The following ZNF630 variants were observed in gnomAD, a reference collection of about 807,000 sequenced individuals.
The protein encoded by ZNF630 is dJ54B20.2 (novel KRAB box containing C2H2 type zinc finger protein).
Under a neutral mutation model 7.2 loss-of-function variants are expected in ZNF630, and 5 were observed. The observed-to-expected ratio is 0.70, with a 90% CI of 0.36 to 1.46. ZNF630 has a LOEUF of 1.46. Ranked by LOEUF, ZNF630 falls within the 40% of genes most tolerant of loss-of-function variation. ZNF630 has a pLI of 0.03. For missense variants in ZNF630, 461 were observed against 477.0 expected, an observed-to-expected ratio of 0.97 and a Z score of 0.31; for synonymous variants, 158 against 162.8, an observed-to-expected ratio of 0.97 and a Z score of 0.23.
intron 2 of ZNF630, among the ~76,000 whole-genome samples, chrX:48,062,956 AAGAG>A (rs781974474): frequency 4.0e-5 from 2 of 49,514 alleles, no homozygotes; most frequent in African/African-American, 8.8e-5. Flanking sequence ...GAAAGAAAGA[AAGAG>A]AGAGAGAGAG....
intron 4 of ZNF630, 90 bp from the exon 5 acceptor site, chrX:48,060,293 G>T: frequency 1.0e-6 from 1 of 965,692 alleles, no homozygotes; most frequent in Non-Finnish European, 1.4e-6. Context: ...ACACAAAACA[G>T]TTGGCAATGA....
At chrX:48,062,645 A>G (rs2059110753) in intron 2 of ZNF630, among the ~76,000 whole-genome samples, 3 of 111,484 alleles carry the variant, frequency 2.7e-5, no homozygotes, top group Admixed American at 9.5e-5. Flanking sequence ...GAGGCAGGAG[A>G]CTTGCTTGAA....
Position 48,066,888 on chromosome X carries a change from T to C in ZNF630, c.-2A>G. On this transcript the variant is annotated 5_prime_UTR_variant, in exon 2 of 5. Transcript: ENST00000276054. ...ATAACTTACCTGGGACTCAATCATTTTCTGTTTCTCTTTGGAAAGCAGTTG... is the reference window on the plus strand; with the variant it reads ...ATAACTTACCTGGGACTCAATCATTCTCTGTTTCTCTTTGGAAAGCAGTTG... 1 of 1,208,041 alleles carries C rather than the reference T, an allele frequency of 8.3e-7. No homozygotes were observed. The highest frequency in any genetic ancestry group is 1.1e-6 in the Non-Finnish European group (1 of 892,867).
At chrX:48,063,958 C>G (rs1166003788) in intron 2 of ZNF630, among the ~76,000 whole-genome samples, 1 of 111,128 alleles carries the variant, frequency 9.0e-6, no homozygotes, top group Non-Finnish European at 1.9e-5. Flanking sequence ...TCTGACCTAG[C>G]ACACTCATGT....
At chrX:48,065,088 G>T (rs2059123839) in intron 2 of ZNF630, among the ~76,000 whole-genome samples, 1 of 112,135 alleles carries the variant, frequency 8.9e-6, no homozygotes, top group Non-Finnish European at 1.9e-5. Flanking sequence ...GACATAAAAA[G>T]AAATAGAAAA....
intron 1 of ZNF630, among the ~76,000 whole-genome samples, chrX:48,069,794 T>C (rs1212013828): frequency 9.2e-6 from 1 of 108,857 alleles, no homozygotes; most frequent in East Asian, 2.8e-4. Context: ...TGCTTCTGGA[T>C]GCCCTAAAAA....
chrX:48,068,167 GAA>G (rs2059140379), intron 1 of ZNF630, among the ~76,000 whole-genome samples: 16 of 29,967 alleles, frequency 5.3e-4, no homozygotes, highest in Admixed American at 1.2e-3. Flanking sequence ...GAGGGAGGAA[GAA>G]GGAAGGAAGG....
chrX:48,059,067 A>T lies in ZNF630; in HGVS notation c.1375T>A (p.Tyr459Asn). ...GCCTTCCCACAGTCAGTACACACAT[A>T]AGGTTTTTCTCCTGTATGAATTCTT... Reference protein sequence around the residue: ...HQRIHTGEKPYVCTDCGKAFS... With the variant: ...HQRIHTGEKPNVCTDCGKAFS... The change falls in exon 5 of 5, where the codon TAT becomes AAT. Residue 459 changes from tyrosine (Y) to asparagine (N), a missense_variant. By Grantham distance (143) the Tyr-to-Asn change is moderately radical. Coordinates refer to ENST00000276054, the MANE Select transcript of ZNF630 (RefSeq NM_001282201.2). The T allele has an allele frequency of 8.3e-7, 1 of 1,208,405 alleles. No individual in the cohort carries two copies. The highest frequency in any genetic ancestry group is 1.1e-6 in the Non-Finnish European group (1 of 893,209).
At position 48,062,021 on chromosome X, in the gene ZNF630, T is replaced by C. The variant is rs782035517; in HGVS notation, c.16-1076A>G. Among the ~76,000 whole-genome samples the C allele has an allele frequency of 7.1e-5, 8 of 112,118 alleles. No individual in the cohort carries two copies. The South Asian group carries it at 2.9e-3, about 41-fold the overall frequency. ...ATGCTCAACTTCACTCACATGAAGA[T>C]AAATGCAAACTAAGACAAGACAGCA... is the stretch of plus-strand genomic sequence containing the variant. On this transcript the variant is annotated intron_variant, in intron 2 of 4. Coordinates refer to ENST00000276054, the MANE Select transcript of ZNF630 (RefSeq NM_001282201.2).
intron 2 of ZNF630, among the ~76,000 whole-genome samples, chrX:48,063,803 G>A (rs1556909606): frequency 1.8e-5 from 2 of 110,784 alleles, no homozygotes; most frequent in Non-Finnish European, 3.8e-5. Context: ...CATGAGAATC[G>A]CTTGAACCTG....
rs782377037 is a variant in ZNF630 at position 48,064,117 on chromosome X, T to A, written c.15+2755A>T. ...TGCCTCATTTTCTTCATCTGAAAAA[T>A]GGGAATAACAATGGTACCTAGCACA... On this transcript the variant is annotated intron_variant, in intron 2 of 4. Transcript: ENST00000276054. 3.4e-3 allele frequency among the ~76,000 whole-genome samples: 375 copies of A among 110,406 alleles called. 4 individuals carry two copies. Among genetic ancestry groups the A allele is most frequent in the African/African-American group, 0.012 (352 of 30,272 alleles).
chrX:48,068,127 G>A (rs2059139506), intron 1 of ZNF630, among the ~76,000 whole-genome samples: 1 of 99,874 alleles, frequency 1.0e-5, no homozygotes, highest in South Asian at 4.9e-4. Context: ...CAGGACAGAA[G>A]GCAGGAAGGA....
intron 1 of ZNF630, among the ~76,000 whole-genome samples, chrX:48,067,562 G>A (rs1433703453): frequency 8.9e-6 from 1 of 111,917 alleles, no homozygotes; most frequent in East Asian, 2.8e-4. Context: ...CACGTTGGAA[G>A]GCCAAGGCGG....
chrX:48,070,920 C>T (rs1443781213), intron 1 of ZNF630: 1 of 109,563 alleles, frequency 9.1e-6, no homozygotes, highest in African/African-American at 3.4e-5. Context: ...CACACACACT[C>T]CCATTCTTGT....
At chrX:48,061,053 A>G in intron 2 of ZNF630, 108 bp from the exon 3 acceptor site, 1 of 665,757 alleles carries the variant, frequency 1.5e-6, no homozygotes, top group East Asian at 3.5e-5. Context: ...TATGAGAGAA[A>G]CAATGTAAAA....
At position 48,059,481 on chromosome X, in the gene ZNF630, A is replaced by T; in HGVS notation, c.961T>A (p.Cys321Ser). The change falls in exon 5 of 5, where the codon TGT (cysteine) becomes AGT (serine). Residue 321 changes from cysteine (C) to serine (S), a missense_variant. Coordinates refer to ENST00000276054, the MANE Select transcript of ZNF630 (RefSeq NM_001282201.2). ...GAGAATGCTCTTCCATACTTAGTACATTCATAGGGTTTCTCCCCAGTATGA... is the reference window on the plus strand; with the variant it reads ...GAGAATGCTCTTCCATACTTAGTACTTTCATAGGGTTTCTCCCCAGTATGA... ...RIHTGEKPYECTKYGRAFSRK... is the reference protein window; with the variant it reads ...RIHTGEKPYESTKYGRAFSRK... 8.3e-7 allele frequency: 1 copy of T among 1,208,357 alleles called. No homozygotes were observed. The highest frequency in any genetic ancestry group is 1.1e-6 in the Non-Finnish European group (1 of 893,313).
At chrX:48,071,229 G>A (rs1342346787) in intron 1 of ZNF630, 38 bp downstream of exon 1, 1 of 109,906 alleles carries the variant, frequency 9.1e-6, no homozygotes, top group African/African-American at 3.3e-5. Flanking sequence ...ATCCGTCACT[G>A]ATCACATAGA....
At chrX:48,065,836 T>A (rs1270998827) in intron 2 of ZNF630, among the ~76,000 whole-genome samples, 1 of 111,398 alleles carries the variant, frequency 9.0e-6, no homozygotes, top group East Asian at 2.8e-4. Context: ...CAGGCCCTTA[T>A]GTCTTATGAA....
At chrX:48,070,312 A>G (rs1168084989) in intron 1 of ZNF630, among the ~76,000 whole-genome samples, 1 of 109,231 alleles carries the variant, frequency 9.2e-6, no homozygotes, top group East Asian at 2.9e-4. Flanking sequence ...GTATCAGAAT[A>G]TATAAAAACA....
Sources: allele counts gnomAD v4.1 joint callset (sites outside exome capture counted in the v4.1 genomes callset), GRCh38; gene constraint gnomAD v4.1.1; transcripts MANE v1.5; gene names NCBI Gene and HGNC (gene_info 2026-07-23, HGNC 2026-07-21).